The following THEMIS variants were observed in gnomAD, a reference collection of about 807,000 sequenced individuals.
The protein encoded by THEMIS is protein THEMIS.
In THEMIS, 37 loss-of-function variants were observed where a neutral mutation model predicts 52.6. The observed-to-expected ratio is 0.70, with a 90% CI of 0.54 to 0.93. The LOEUF (loss-of-function observed/expected upper bound fraction) is 0.93, where lower values mean the gene tolerates loss of function less well. Among genes scored for constraint, THEMIS ranks in the 40% least tolerant of loss-of-function variants. THEMIS has a pLI of 0.00. For synonymous variants in THEMIS, 292 were observed against 272.7 expected (o/e 1.07, Z -0.70); for missense variants, 808 against 763.1 (o/e 1.06, Z -0.69).
chr6:127,713,420 ATACT>A (rs1774049890), intron 5 of THEMIS, among the ~76,000 whole-genome samples: 1 of 151,892 alleles, frequency 6.6e-6, no homozygotes, highest in South Asian at 2.1e-4. Flanking sequence ...TATTCAAGAA[ATACT>A]TACTGTGAAC....
intron 1 of THEMIS, among the ~76,000 whole-genome samples, chr6:127,890,152 T>C (rs1583400305): frequency 2.0e-5 from 3 of 152,304 alleles, no homozygotes; most frequent in African/African-American, 4.8e-5. Context: ...ACAATGTATA[T>C]TGGACCTTGA....
chr6:127,748,615 C>T (rs1011313145), intron 4 of THEMIS, among the ~76,000 whole-genome samples: 2 of 152,126 alleles, frequency 1.3e-5, no homozygotes, highest in Admixed American at 1.3e-4. Context: ...ACAGTTAAAT[C>T]GTAACAAAGG....
At chr6:127,844,605 T>A (rs1353398708) in intron 2 of THEMIS, among the ~76,000 whole-genome samples, 2 of 151,882 alleles carry the variant, frequency 1.3e-5, no homozygotes, top group Admixed American at 1.3e-4. Context: ...AAAATCTATG[T>A]TCTTCATAAA....
chr6:127,821,362 T>A (rs1432454177), intron 3 of THEMIS, among the ~76,000 whole-genome samples: 1 of 152,094 alleles, frequency 6.6e-6, no homozygotes, highest in Non-Finnish European at 1.5e-5. Flanking sequence ...AGCATGAGAC[T>A]GAGAAACATT....
In THEMIS at chr6:127,900,861, C is replaced by T; in HGVS notation, c.72G>A (p.Gln24=). Residue 24 remains glutamine (Q), a synonymous_variant, in exon 1 of 6, where the codon CAG becomes CAA. Coordinates refer to ENST00000368248, the MANE Select transcript of THEMIS (RefSeq NM_001010923.3). ...GCTTACCTTCAAGATAGATGCCTGC[C>T]TGGATTTCTAGAACCCTGGGTAGGG... is the stretch of plus-strand genomic sequence containing the variant. ...LRTLPRVLEI[Q]AGIYLEGSIY... 1 of 1,613,060 alleles carries T rather than the reference C, an allele frequency of 6.2e-7. No homozygotes were observed. The highest frequency in any genetic ancestry group is 1.1e-5 in the South Asian group (1 of 91,052).
intron 4 of THEMIS, among the ~76,000 whole-genome samples, chr6:127,759,356 G>A (rs1268530619): frequency 6.6e-6 from 1 of 152,094 alleles, no homozygotes; most frequent in African/African-American, 2.4e-5. Flanking sequence ...ATCTCTGACT[G>A]TAACCTCTTC....
chr6:127,723,422 C>T (rs928711861), intron 4 of THEMIS, among the ~76,000 whole-genome samples: 6 of 151,974 alleles, frequency 3.9e-5, no homozygotes, highest in African/African-American at 1.4e-4. Context: ...TTTACCCAAA[C>T]ATTGCGTGTC....
At chr6:127,898,376 C>T (rs1288554802) in intron 1 of THEMIS, among the ~76,000 whole-genome samples, 2 of 151,478 alleles carry the variant, frequency 1.3e-5, no homozygotes, top group Admixed American at 1.3e-4. Context: ...TCAATAAATC[C>T]AATAAAAATC....
At chr6:127,843,327 C>T (rs550735210) in intron 2 of THEMIS, among the ~76,000 whole-genome samples, 7 of 151,452 alleles carry the variant, frequency 4.6e-5, no homozygotes, top group Non-Finnish European at 5.9e-5. Context: ...CAAATCTGGA[C>T]CTATACATAC....
chr6:127,910,836 C>T (rs185640834), intron 1 of THEMIS, among the ~76,000 whole-genome samples: 175 of 152,218 alleles, frequency 1.1e-3, no homozygotes, highest in African/African-American at 3.6e-3. Context: ...TTAGATTTTG[C>T]TAACGTCATT....
intron 4 of THEMIS, among the ~76,000 whole-genome samples, chr6:127,767,521 G>A (rs1420749397): frequency 6.6e-6 from 1 of 151,982 alleles, no homozygotes; most frequent in Non-Finnish European, 1.5e-5. Flanking sequence ...ACAGGGTCAT[G>A]GTCATCAACA....
chr6:127,859,401 T>C (rs1779721505), intron 1 of THEMIS, among the ~76,000 whole-genome samples: 2 of 152,276 alleles, frequency 1.3e-5, no homozygotes, highest in African/African-American at 4.8e-5. Flanking sequence ...AATTGGAGTG[T>C]TATGTATATT....
At chr6:127,803,290 T>A (rs1777597021) in intron 4 of THEMIS, among the ~76,000 whole-genome samples, 1 of 152,194 alleles carries the variant, frequency 6.6e-6, no homozygotes, top group African/African-American at 2.4e-5. Flanking sequence ...ATTATCATAA[T>A]CCAGTTTTAG....
In THEMIS at chr6:127,734,868, C is replaced by CA. The variant is rs1197660495; in HGVS notation, c.1759-15046dup. On this transcript the variant is annotated intron_variant, in intron 4 of 5. Coordinates refer to ENST00000368248, the MANE Select transcript of THEMIS (RefSeq NM_001010923.3). ...TGGGCGATAGAGCAAGGCTCTGTCT[C>CA]AAAAAAAAAAAAAAAAAAAAAAAAA... 8.3e-3 allele frequency among the ~76,000 whole-genome samples: 272 copies of CA among 32,960 alleles called. 26 individuals are homozygous for CA. Among genetic ancestry groups the CA allele is most frequent in the East Asian group, 0.011 (8 of 754 alleles). 21.6% of individuals were successfully genotyped at this position (32,960 alleles called of 152,430 possible). A position where few individuals can be genotyped will look rare whatever the true frequency, so the allele number is the denominator to read the frequency against.
At chr6:127,837,784 A>G (rs1410371542) in intron 2 of THEMIS, among the ~76,000 whole-genome samples, 2 of 152,134 alleles carry the variant, frequency 1.3e-5, no homozygotes, top group Non-Finnish European at 2.9e-5. Flanking sequence ...AACAATGTCG[A>G]AACTCTACTA....
intron 1 of THEMIS, among the ~76,000 whole-genome samples, chr6:127,867,591 A>T (rs983166285): frequency 2.6e-5 from 4 of 152,046 alleles, no homozygotes; most frequent in African/African-American, 9.7e-5. Flanking sequence ...CTCACAACCT[A>T]TTGGCCCAAA....
At chr6:127,791,528 C>T (rs927564787) in intron 4 of THEMIS, among the ~76,000 whole-genome samples, 5 of 152,196 alleles carry the variant, frequency 3.3e-5, no homozygotes, top group African/African-American at 7.2e-5. Context: ...CCAGAGCAAG[C>T]TCCATTAAGT....
chr6:127,716,596 A>AT (rs1270847842), intron 5 of THEMIS, among the ~76,000 whole-genome samples: 1 of 151,680 alleles, frequency 6.6e-6, no homozygotes, highest in Non-Finnish European at 1.5e-5. Flanking sequence ...TCATGATTCA[A>AT]TTTTTCCCTC....
intron 3 of THEMIS, among the ~76,000 whole-genome samples, chr6:127,815,491 C>T (rs1778096246): frequency 6.6e-6 from 1 of 151,556 alleles, no homozygotes; most frequent in African/African-American, 2.4e-5. Flanking sequence ...TCTGAAGATG[C>T]AGCAAGGAAA....
Sources: gnomAD v4.1 joint callset for allele counts (sites outside exome capture counted in the v4.1 genomes callset) on GRCh38, gnomAD v4.1.1 for gene constraint, MANE v1.5 for transcripts, NCBI Gene and HGNC (gene_info 2026-07-23, HGNC 2026-07-21) for gene names.